DCLK1: variants seen among roughly 807,000 people sequenced by gnomAD.
DCLK1 encodes serine/threonine-protein kinase DCLK1.
Under a neutral mutation model 86.2 loss-of-function variants are expected in DCLK1, and 16 were observed. The ratio of observed to expected loss-of-function variants is 0.19; its 90% confidence interval spans 0.13 to 0.28. The LOEUF (loss-of-function observed/expected upper bound fraction) is 0.28. Among genes scored for constraint, DCLK1 ranks in the 10% least tolerant of loss-of-function variants. The pLI is 1.00. For synonymous variants in DCLK1, 369 were observed against 370.5 expected (o/e 1.00, Z 0.05); for missense variants, 590 against 940.2 (o/e 0.63, Z 4.87).
At chr13:36,012,120 T>A (rs1405317504) in intron 3 of DCLK1, among the ~76,000 whole-genome samples, 4 of 139,936 alleles carry the variant, frequency 2.9e-5, no homozygotes, top group Non-Finnish European at 4.6e-5. Flanking sequence ...CCTATGTGTG[T>A]CTCTGCACGT....
chr13:36,038,886 T>A (rs1882602749), intron 3 of DCLK1, among the ~76,000 whole-genome samples: 1 of 152,184 alleles, frequency 6.6e-6, no homozygotes, highest in Non-Finnish European at 1.5e-5. Context: ...TTGAATGAAG[T>A]TTCTCTAATT....
chr13:35,879,024 G>A (rs1044169092), intron 4 of DCLK1, among the ~76,000 whole-genome samples: 1 of 152,100 alleles, frequency 6.6e-6, no homozygotes, highest in African/African-American at 2.4e-5. Context: ...GACCTTAGGT[G>A]ATCTGCCCAC....
intron 3 of DCLK1, among the ~76,000 whole-genome samples, chr13:36,074,763 G>T (rs1201929750): frequency 6.6e-6 from 1 of 152,126 alleles, no homozygotes; most frequent in Non-Finnish European, 1.5e-5. Context: ...CCCATAAGCG[G>T]GTCCTAAGAG....
chr13:35,806,970 T>C (rs1025744991), intron 14 of DCLK1, among the ~76,000 whole-genome samples: 1 of 152,212 alleles, frequency 6.6e-6, no homozygotes, highest in African/African-American at 2.4e-5. Context: ...GGTTGGCTTT[T>C]AAAGGGAACT....
chr13:35,900,545 T>C (rs186828233), intron 4 of DCLK1, among the ~76,000 whole-genome samples: 4 of 152,238 alleles, frequency 2.6e-5, no homozygotes, highest in Admixed American at 1.3e-4. Context: ...ATGCTGGGCC[T>C]AAATAAACAT....
chr13:36,089,324 G>A (rs1350664693), intron 3 of DCLK1, among the ~76,000 whole-genome samples: 1 of 152,158 alleles, frequency 6.6e-6, no homozygotes, highest in Non-Finnish European at 1.5e-5. Context: ...CAGGCCAGAT[G>A]GCCTAGAGAC....
intron 3 of DCLK1, among the ~76,000 whole-genome samples, chr13:36,074,518 CAG>C (rs200203213): frequency 0.069 from 4,587 of 66,274 alleles, 294 homozygotes; most frequent in Middle Eastern, 0.14. Flanking sequence ...AAAAAAAAAA[CAG>C]AGAAGACAAT....
intron 4 of DCLK1, among the ~76,000 whole-genome samples, chr13:35,922,396 A>C (rs995826361): frequency 3.3e-5 from 5 of 152,172 alleles, no homozygotes; most frequent in Non-Finnish European, 7.3e-5. Flanking sequence ...CACGGCATCA[A>C]GTTCAGAGCT....
At chr13:35,999,874 A>G (rs1352867043) in intron 3 of DCLK1, among the ~76,000 whole-genome samples, 5 of 152,122 alleles carry the variant, frequency 3.3e-5, no homozygotes, top group African/African-American at 1.2e-4. Context: ...TTACAAGACT[A>G]CTGACTTTTA....
At chr13:35,815,067 G>A (rs1593619127) in intron 11 of DCLK1, among the ~76,000 whole-genome samples, 1 of 152,152 alleles carries the variant, frequency 6.6e-6, no homozygotes, top group Admixed American at 6.5e-5. Flanking sequence ...CAGATATAAC[G>A]AAAGGTCAGG....
chr13:36,007,164 C>T (rs1233546355), intron 3 of DCLK1, among the ~76,000 whole-genome samples: 2 of 152,212 alleles, frequency 1.3e-5, no homozygotes, highest in Non-Finnish European at 2.9e-5. Context: ...CTCACCACTC[C>T]TGCTGAGCCT....
intron 3 of DCLK1, among the ~76,000 whole-genome samples, chr13:36,013,771 T>A (rs374244202): frequency 6.6e-6 from 1 of 152,214 alleles, no homozygotes; most frequent in Non-Finnish European, 1.5e-5. Context: ...TCGAGCTTCC[T>A]GGCTGCTTTG....
intron 3 of DCLK1, among the ~76,000 whole-genome samples, chr13:36,096,328 G>C (rs1376085113): frequency 2.0e-5 from 3 of 152,096 alleles, no homozygotes; most frequent in African/African-American, 7.2e-5. Context: ...AGATGGCCTT[G>C]AACAAGAAAA....
In DCLK1 at chr13:36,125,790, C is replaced by T. The variant is rs1177470859; in HGVS notation, c.348G>A (p.Lys116=). 6.2e-7 allele frequency: 1 copy of T among 1,613,948 alleles called. No individual in the cohort carries two copies. Among genetic ancestry groups the T allele is most frequent in the Admixed American group, 1.7e-5 (1 of 59,994 alleles). The change falls in exon 2 of 17, where the codon AAG becomes AAA. Residue 116 remains lysine, a synonymous_variant. Coordinates refer to ENST00000360631, the MANE Select transcript of DCLK1 (RefSeq NM_001330071.2). Reference sequence around the variant, plus strand: ...CCACCAGTTGGTCCAGGCTGGAAATCTTCTTGAGCCCATCAATGGTGTAGA... The same window carrying T: ...CCACCAGTTGGTCCAGGCTGGAAATTTTCTTGAGCCCATCAATGGTGTAGA... The part of the protein sequence containing the change: ...RTIYTIDGLK[K]ISSLDQLVEG...
chr13:36,098,646 C>T (rs1221505180), intron 3 of DCLK1, among the ~76,000 whole-genome samples: 2 of 152,196 alleles, frequency 1.3e-5, no homozygotes, highest in African/African-American at 4.8e-5. Context: ...TCCTCTATTT[C>T]TCTTGTGCCC....
chr13:35,836,103 T>C lies in DCLK1; in HGVS notation c.1159A>G (p.Thr387Ala), dbSNP rs376414675. The stretch of plus-strand genomic sequence containing the variant: ...GTTCTTCCGACTTTATATCGTTCTG[T>C]TATTGTAGCTGGAATCTGGAAGCCT... ...EEGFQIPATI[T>A]ERYKVGRTIG... Residue 387 changes from threonine to alanine, a missense_variant, in exon 8 of 17, where the codon ACA (threonine) becomes GCA (alanine). Physicochemically the swap from Thr to Ala is moderately conservative, Grantham distance 58. Transcript: ENST00000360631. 6.2e-7 allele frequency: 1 copy of C among 1,613,130 alleles called. No homozygotes were observed. The highest frequency in any genetic ancestry group is 8.5e-7 in the Non-Finnish European group (1 of 1,179,820).
rs368231486 is a variant in DCLK1, at chr13:35,827,510, T to C, written c.1407+125A>G. 102 of 1,169,536 alleles carry C rather than the reference T, an allele frequency of 8.7e-5. 1 individual carries two copies. In the South Asian group the frequency reaches 1.4e-3, roughly 16 times the overall value. 72.4% of individuals were successfully genotyped at this position (1,169,536 alleles called of 1,614,324 possible). A position where few individuals can be genotyped will look rare whatever the true frequency, so the allele number is the denominator to read the frequency against. On this transcript the variant is annotated intron_variant, in intron 10 of 16. Transcript: ENST00000360631. ...ACCATTCTCCTGTGAACATTCCTAA[T>C]CACTGGGCCAATGTACAGAAATGAG...
At chr13:35,972,231 TCA>T (rs1879099493) in intron 3 of DCLK1, among the ~76,000 whole-genome samples, 1 of 152,150 alleles carries the variant, frequency 6.6e-6, no homozygotes, top group Non-Finnish European at 1.5e-5. Context: ...AGTTCTTTCC[TCA>T]TGTAGATTCT....
intron 3 of DCLK1, among the ~76,000 whole-genome samples, chr13:35,985,126 G>A (rs1404676194): frequency 6.6e-6 from 1 of 152,144 alleles, no homozygotes; most frequent in Non-Finnish European, 1.5e-5. Flanking sequence ...AGCAATTAGG[G>A]AAATCTGGAA....
Sources: gnomAD v4.1 joint callset for allele counts (sites outside exome capture counted in the v4.1 genomes callset) on GRCh38, gnomAD v4.1.1 for gene constraint, MANE v1.5 for transcripts, NCBI Gene and HGNC (gene_info 2026-07-23, HGNC 2026-07-21) for gene names.